Variants in SPINK9 observed in about 807,000 individuals in gnomAD.
The protein encoded by SPINK9 is serine peptidase inhibitor Kazal type 9.
A neutral mutation model predicts 10.8 loss-of-function variants in SPINK9; 3 were observed. The ratio of observed to expected loss-of-function variants is 0.28; its 90% CI spans 0.13 to 0.72. SPINK9 has a LOEUF of 0.72. Among genes scored for constraint, SPINK9 ranks in the 30% least tolerant of loss-of-function variants. SPINK9 has a pLI of 0.74. For synonymous variants in SPINK9, 30 were observed against 31.2 expected, an observed-to-expected ratio of 0.96 and a Z score of 0.12; for missense variants, 101 against 103.2, an observed-to-expected ratio of 0.98 and a Z score of 0.09.
chr5:148,330,998 T>C (rs1054139242), upstream of SPINK9, among the ~76,000 whole-genome samples: 2 of 152,198 alleles, frequency 1.3e-5, no homozygotes, highest in Admixed American at 6.5e-5. Context: ...CCCCTTTCTT[T>C]GACTAGGAAA....
chr5:148,336,276 T>C, intron 1 of SPINK9, 146 bp from the exon 2 acceptor site: 1 of 815,246 alleles, frequency 1.2e-6, no homozygotes. Flanking sequence ...GCTTCAACCT[T>C]TGATACAATG....
intron 2 of SPINK9, among the ~76,000 whole-genome samples, chr5:148,328,113 C>T (rs1757093484): frequency 6.6e-6 from 1 of 152,182 alleles, no homozygotes; most frequent in Non-Finnish European, 1.5e-5. Context: ...GCCATTTTCA[C>T]AATATTGATT....
intron 2 of SPINK9, among the ~76,000 whole-genome samples, chr5:148,327,114 G>A (rs1757072792): frequency 6.6e-6 from 1 of 152,170 alleles, no homozygotes; most frequent in Non-Finnish European, 1.5e-5. Context: ...GGTTGAACTA[G>A]TTAACAGTCC....
At chr5:148,331,084 C>T (rs2113417686), upstream of SPINK9, among the ~76,000 whole-genome samples, 2 of 152,324 alleles carry the variant, frequency 1.3e-5, no homozygotes, top group Middle Eastern at 6.8e-3. Context: ...CGGTGCGCTG[C>T]ACCCACTGTC....
At chr5:148,333,251 A>G (rs1287202056), upstream of SPINK9, among the ~76,000 whole-genome samples, 1 of 152,228 alleles carries the variant, frequency 6.6e-6, no homozygotes, top group African/African-American at 2.4e-5. Context: ...ATGTTTTTAC[A>G]TAGCATTTTC....
chr5:148,328,047 T>G (rs1386545697), intron 2 of SPINK9, among the ~76,000 whole-genome samples: 9 of 152,090 alleles, frequency 5.9e-5, no homozygotes, highest in African/African-American at 1.4e-4. Flanking sequence ...GTGAAGAAAG[T>G]CATTGGTAGC....
chr5:148,328,514 C>A (rs899255749), intron 2 of SPINK9, among the ~76,000 whole-genome samples: 3 of 152,120 alleles, frequency 2.0e-5, no homozygotes, highest in African/African-American at 7.2e-5. Flanking sequence ...TGCCTGATTG[C>A]CCTGGCCAGA....
Position 148,328,234 on chromosome 5 carries a change from T to C in SPINK9, c.118+4366T>C, listed in dbSNP as rs1757095856. ...AGAGGTCCTTCACATCCCTTGTAAG[T>C]TGGATTCCTAGGTATTTTATTCTCT... On this transcript the variant is annotated intron_variant, in intron 2 of 4. Transcript: ENST00000511717. 3.3e-5 allele frequency among the ~76,000 whole-genome samples: 5 copies of C among 152,264 alleles called. No homozygotes were observed. In the South Asian group the frequency reaches 1.0e-3, roughly 32 times the overall value.
chr5:148,333,044 A>G (rs1005621406), upstream of SPINK9, among the ~76,000 whole-genome samples: 3 of 152,186 alleles, frequency 2.0e-5, no homozygotes, highest in Admixed American at 1.3e-4. Flanking sequence ...CAAAAACTTT[A>G]TCACAGTCCG....
At chr5:148,323,821 A>G in exon 2 of SPINK9, 3 of 701,776 alleles carry the variant, frequency 4.3e-6, no homozygotes, top group Non-Finnish European at 7.8e-6. Flanking sequence ...GGAGAACACA[A>G]TGAACCCAGG....
chr5:148,338,115 A>G (rs1230096466), intron 2 of SPINK9, among the ~76,000 whole-genome samples: 1 of 152,178 alleles, frequency 6.6e-6, no homozygotes, highest in Non-Finnish European at 1.5e-5. Context: ...AGACAGAAAT[A>G]GTAGGATAAT....
At chr5:148,323,572 T>C (rs1482567683) in intron 1 of SPINK9, 3 of 479,168 alleles carry the variant, frequency 6.3e-6, no homozygotes, top group Non-Finnish European at 1.1e-5. Context: ...TAACTTTCTT[T>C]CCTTCTTTAT....
At chr5:148,325,391 C>T (rs1220029630) in intron 2 of SPINK9, among the ~76,000 whole-genome samples, 2 of 151,936 alleles carry the variant, frequency 1.3e-5, no homozygotes, top group African/African-American at 4.8e-5. Context: ...ACATTTATAC[C>T]AGCGATGTAT....
chr5:148,324,537 C>G (rs1427924888), intron 2 of SPINK9, among the ~76,000 whole-genome samples: 2 of 151,948 alleles, frequency 1.3e-5, no homozygotes, highest in Admixed American at 1.3e-4. Context: ...TTCGATTTCT[C>G]TAACAAAAAT....
At chr5:148,325,607 T>A (rs1346388276) in intron 2 of SPINK9, among the ~76,000 whole-genome samples, 1 of 152,072 alleles carries the variant, frequency 6.6e-6, no homozygotes, top group East Asian at 1.9e-4. Context: ...TTTAATCAGA[T>A]TTATTATTGA....
chr5:148,333,394 T>C (rs1757175380), upstream of SPINK9, among the ~76,000 whole-genome samples: 1 of 152,332 alleles, frequency 6.6e-6, no homozygotes. Context: ...AGTGGCAGTA[T>C]ACAGCAGCAG....
At chr5:148,336,323 T>C (rs538731325) in intron 1 of SPINK9, 99 bp from the exon 2 acceptor site, 7 of 1,272,776 alleles carry the variant, frequency 5.5e-6, no homozygotes, top group African/African-American at 1.5e-5. Flanking sequence ...TACATTTTTA[T>C]GACAGGCTGA....
intron 1 of SPINK9, among the ~76,000 whole-genome samples, chr5:148,323,106 T>C (rs1359273670): frequency 6.6e-6 from 1 of 152,206 alleles, no homozygotes; most frequent in East Asian, 1.9e-4. Context: ...GTATGAAATA[T>C]AAAAGTAAAA....
At chr5:148,332,745 G>T (rs1255283428), upstream of SPINK9, among the ~76,000 whole-genome samples, 1 of 152,134 alleles carries the variant, frequency 6.6e-6, no homozygotes, top group Admixed American at 6.5e-5. Context: ...CATCATAGAG[G>T]GAAAAGTGGG....
Sources: allele counts gnomAD v4.1 joint callset (sites outside exome capture counted in the v4.1 genomes callset), GRCh38; gene constraint gnomAD v4.1.1; transcripts MANE v1.5; gene names NCBI Gene and HGNC (gene_info 2026-07-23, HGNC 2026-07-21).